The following ZDHHC21 variants were observed in gnomAD, a reference collection of about 807,000 sequenced individuals.
ZDHHC21 encodes the protein zDHHC palmitoyltransferase 21, also known as palmitoyltransferase ZDHHC21.
ZDHHC21 carries 15 observed loss-of-function variants against 34.6 expected under a neutral mutation model. The ratio of observed to expected loss-of-function variants is 0.43; its 90% CI spans 0.29 to 0.67. The LOEUF (loss-of-function observed/expected upper bound fraction) is 0.67, where lower values mean the gene tolerates loss of function less well. ZDHHC21 is among the 30% of genes least tolerant of loss of function. The pLI is 0.14. For missense variants in ZDHHC21, 344 were observed against 327.7 expected (o/e 1.05, Z -0.38); for synonymous variants, 142 against 101.8 (o/e 1.40, Z -2.38).
chr9:14,692,414 T>A (rs2131736909), intron 1 of ZDHHC21, among the ~76,000 whole-genome samples: 1 of 152,326 alleles, frequency 6.6e-6, no homozygotes, highest in Middle Eastern at 3.4e-3. Context: ...AACTTTACAA[T>A]ATAATTTATG....
In ZDHHC21 at chr9:14,638,779, T is replaced by C. The variant is rs1828757772; in HGVS notation, c.621+1117A>G. On this transcript the variant is annotated intron_variant, in intron 8 of 9. Coordinates refer to ENST00000380916, the MANE Select transcript of ZDHHC21 (RefSeq NM_178566.6). ...GGTATATGAAAAGTACCATCATTAA[T>C]CAACAGGGAAATGCAAGTCAAAACC... Among the ~76,000 whole-genome samples the C allele has an allele frequency of 3.3e-5, 5 of 151,996 alleles. No homozygotes were observed. In the South Asian group the frequency reaches 6.2e-4, roughly 19 times the overall value.
intron 7 of ZDHHC21, among the ~76,000 whole-genome samples, chr9:14,647,603 G>C (rs1052714310): frequency 1.3e-5 from 2 of 151,990 alleles, no homozygotes; most frequent in Admixed American, 1.3e-4. Context: ...CCATGTCATT[G>C]GCTTTCCAGA....
intron 7 of ZDHHC21, among the ~76,000 whole-genome samples, chr9:14,655,791 A>G (rs62535365): frequency 0.051 from 7,748 of 151,824 alleles, 270 homozygotes; most frequent in Non-Finnish European, 0.081. Context: ...AAGTCAAATA[A>G]TAAATAGGAA....
At chr9:14,676,012 A>G (rs1436791941) in intron 3 of ZDHHC21, among the ~76,000 whole-genome samples, 1 of 152,000 alleles carries the variant, frequency 6.6e-6, no homozygotes, top group Non-Finnish European at 1.5e-5. Flanking sequence ...CTATATCATG[A>G]AGGACATAAA....
chr9:14,628,834 T>G (rs551685958), intron 8 of ZDHHC21, among the ~76,000 whole-genome samples: 1 of 152,214 alleles, frequency 6.6e-6, no homozygotes, highest in Non-Finnish European at 1.5e-5. Flanking sequence ...AGTATTTAAG[T>G]GCTAATTTAA....
intron 8 of ZDHHC21, among the ~76,000 whole-genome samples, chr9:14,629,230 G>T (rs550990012): frequency 6.6e-6 from 1 of 152,170 alleles, no homozygotes; most frequent in African/African-American, 2.4e-5. Flanking sequence ...AGAAAGAGAT[G>T]AAACTTTTGG....
At chr9:14,678,453 A>G (rs760324440) in intron 3 of ZDHHC21, among the ~76,000 whole-genome samples, 4 of 152,086 alleles carry the variant, frequency 2.6e-5, no homozygotes, top group Admixed American at 6.6e-5. Context: ...ATGGCTAATC[A>G]TTACTGATTA....
At chr9:14,692,635 G>C (rs906393747) in intron 1 of ZDHHC21, among the ~76,000 whole-genome samples, 1 of 152,152 alleles carries the variant, frequency 6.6e-6, no homozygotes, top group African/African-American at 2.4e-5. Context: ...CCAGCGACCT[G>C]TTACAGTGAA....
intron 5 of ZDHHC21, among the ~76,000 whole-genome samples, chr9:14,671,717 A>G (rs1469611180): frequency 6.6e-6 from 1 of 152,144 alleles, no homozygotes; most frequent in Non-Finnish European, 1.5e-5. Context: ...AAAATGTTCT[A>G]AAGTTGATTG....
At chr9:14,672,779 A>G (rs1260068696) in intron 5 of ZDHHC21, 51 bp downstream of exon 5, 2 of 1,247,394 alleles carry the variant, frequency 1.6e-6, no homozygotes. Flanking sequence ...ATATGTAAAT[A>G]AAGACAGTAA....
downstream of ZDHHC21, among the ~76,000 whole-genome samples, chr9:14,607,436 A>G (rs1171272752): frequency 6.6e-6 from 1 of 152,184 alleles, no homozygotes; most frequent in African/African-American, 2.4e-5. Context: ...TAATAGGGAT[A>G]ATCATATATC....
chr9:14,663,842 T>C (rs1035822264), intron 5 of ZDHHC21, among the ~76,000 whole-genome samples: 1 of 152,220 alleles, frequency 6.6e-6, no homozygotes, highest in Admixed American at 6.5e-5. Flanking sequence ...GTACTAAAGC[T>C]TAATTTACAT....
intron 7 of ZDHHC21, among the ~76,000 whole-genome samples, chr9:14,644,902 G>T (rs1267923486): frequency 2.6e-5 from 4 of 151,438 alleles, no homozygotes; most frequent in Non-Finnish European, 5.9e-5. Flanking sequence ...TTATTTCATA[G>T]GAAAAAACAA....
chr9:14,680,666 AACATAT>A (rs1323413653), intron 2 of ZDHHC21, among the ~76,000 whole-genome samples: 1 of 152,184 alleles, frequency 6.6e-6, no homozygotes, highest in African/African-American at 2.4e-5. Flanking sequence ...TACTGTATAT[AACATAT>A]ACTAATTCAC....
intron 5 of ZDHHC21, among the ~76,000 whole-genome samples, chr9:14,663,007 C>A (rs1833684354): frequency 6.6e-6 from 1 of 152,132 alleles, no homozygotes; most frequent in South Asian, 2.1e-4. Flanking sequence ...AAACACTGAA[C>A]TACCACCAAC....
At position 14,651,352 on chromosome 9, in the gene ZDHHC21, G is replaced by GA. The variant is rs1222331522; in HGVS notation, c.504+7396dup. On this transcript the variant is annotated intron_variant, in intron 7 of 9. Coordinates refer to ENST00000380916, the MANE Select transcript of ZDHHC21 (RefSeq NM_178566.6). ...AATATTGCTAAAAAATTCCTTGGGG[G>GA]AAAAATGCAAAAAGTAGTATTGAAT... Among the ~76,000 whole-genome samples the GA allele has an allele frequency of 3.3e-5, 5 of 151,704 alleles. No individual in the cohort carries two copies. In the East Asian group the frequency reaches 7.7e-4, roughly 23 times the overall value.
chr9:14,666,589 A>T (rs1834486203), intron 5 of ZDHHC21, among the ~76,000 whole-genome samples: 1 of 106,604 alleles, frequency 9.4e-6, no homozygotes, highest in Admixed American at 9.2e-5. Flanking sequence ...AATTGACCAC[A>T]TAGTAGGAAG....
the ZDHHC21 span, among the ~76,000 whole-genome samples, chr9:14,592,172 T>C: frequency 6.6e-6 from 1 of 152,104 alleles, no homozygotes; most frequent in Non-Finnish European, 1.5e-5. Context: ...TGTAACATTT[T>C]AATTCCTCTA....
At chr9:14,664,416 G>C (rs1490567310) in intron 5 of ZDHHC21, among the ~76,000 whole-genome samples, 2 of 150,552 alleles carry the variant, frequency 1.3e-5, no homozygotes, top group African/African-American at 4.9e-5. Context: ...CTGCAAGGCG[G>C]CAGCCAGGCT....
Sources: gnomAD v4.1 joint callset for allele counts (sites outside exome capture counted in the v4.1 genomes callset) on GRCh38, gnomAD v4.1.1 for gene constraint, MANE v1.5 for transcripts, NCBI Gene and HGNC (gene_info 2026-07-23, HGNC 2026-07-21) for gene names.